TTN: variants seen among roughly 807,000 people sequenced by gnomAD.
TTN encodes the protein connectin.
A neutral mutation model predicts 3,223.0 loss-of-function variants in TTN; 1,525 were observed. The observed-to-expected ratio is 0.47, with a 90% confidence interval of 0.45 to 0.49. The LOEUF (loss-of-function observed/expected upper bound fraction) is 0.49. TTN is among the 20% of genes least tolerant of loss of function. The pLI is 0.00. For synonymous variants in TTN, 14,094 were observed against 15,161.0 expected, an observed-to-expected ratio of 0.93 and a Z score of 5.17; for missense variants, 40,786 against 43,424.0, an observed-to-expected ratio of 0.94 and a Z score of 5.40.
Position 178,592,638 on chromosome 2 carries a change from A to C in TTN, c.59367T>G (p.Asp19789Glu), listed in dbSNP as rs760729655. 1.9e-6 allele frequency: 3 copies of C among 1,613,212 alleles called. No individual in the cohort carries two copies. Among genetic ancestry groups the C allele is most frequent in the South Asian group, 1.1e-5 (1 of 91,048 alleles). Residue 19789 changes from aspartate (D) to glutamate (E), a missense_variant, in exon 301 of 363, where the codon GAT becomes GAG. Transcript: ENST00000589042. Reference protein sequence around the residue: ...DRLEPPELILDANMAREQHIK... With the variant: ...DRLEPPELILEANMAREQHIK... Reference sequence around the variant, plus strand: ...TGTGTTGTTCTCTTGCCATGTTGGCATCAAGAATCAACTCAGGGGGTTCTA... The same window carrying C: ...TGTGTTGTTCTCTTGCCATGTTGGCCTCAAGAATCAACTCAGGGGGTTCTA...
At chr2:178,586,481 A>AT in intron 308 of TTN, 24 bp downstream of exon 308, 1 of 1,609,050 alleles carries the variant, frequency 6.2e-7, no homozygotes, top group Non-Finnish European at 8.5e-7. Context: ...ACCACATGAC[A>AT]TAAATGAAGC....
At chr2:178,749,915 T>G (rs2154329535) in intron 47 of TTN, 1 of 1,613,214 alleles carries the variant, frequency 6.2e-7, no homozygotes, top group Non-Finnish European at 8.5e-7. Context: ...TGGCATTTCT[T>G]GTAACATTTT....
In TTN at chr2:178,721,912, T is replaced by C. The variant is rs530109283; in HGVS notation, c.22751A>G (p.Gln7584Arg). The C allele has an allele frequency of 1.2e-6, 2 of 1,613,364 alleles. No homozygotes were observed. The highest frequency in any genetic ancestry group is 1.7e-5 in the Admixed American group (1 of 59,976). ...ATCATTGGTTGCTTGGCAAGTATAT[T>C]GACCAGAGTCTCCTTTGCCTACTTT... Reference protein sequence around the residue: ...ILKVGKGDSGQYTCQATNDVG... With the variant: ...ILKVGKGDSGRYTCQATNDVG... Residue 7584 changes from glutamine (Q) to arginine (R), a missense_variant, in exon 78 of 363, where the codon CAA (glutamine) becomes CGA (arginine). Transcript: ENST00000589042.
In TTN at chr2:178,666,969, AAGTT is replaced by A. The variant is rs1197504783; in HGVS notation, c.35798-72_35798-69del. 89 of 1,126,250 alleles carry A rather than the reference AAGTT, an allele frequency of 7.9e-5. No individual in the cohort carries two copies. The East Asian group carries it at 2.3e-3, about 29-fold the overall frequency. The allele number at this position is 1,126,250 out of a possible 1,614,324, so 69.8% of individuals were successfully genotyped here. On this transcript the variant is annotated intron_variant, in intron 162 of 362. Transcript: ENST00000589042. ...GGCATAAAGACATGACATACTAAGA[AAGTT>A]AGATATGTTAATATCATTTCAGATA...
Position 178,647,127 on chromosome 2 carries a change from C to A in TTN, c.40159G>T (p.Glu13387Ter). 1 of 1,439,854 alleles carries A rather than the reference C, an allele frequency of 6.9e-7. No individual in the cohort carries two copies. Among genetic ancestry groups the A allele is most frequent in the South Asian group, 1.5e-5 (1 of 65,472 alleles). 89.2% of individuals were successfully genotyped at this position (1,439,854 alleles called of 1,614,324 possible). A position where few individuals can be genotyped will look rare whatever the true frequency, so the allele number is the denominator to read the frequency against. Residue 13387 changes from glutamate (E) to a stop codon, truncating the protein, a stop_gained, in exon 215 of 363, where the codon GAA becomes TAA. Transcript: ENST00000589042. LOFTEE classifies it high-confidence loss of function. The part of the protein sequence containing the change: ...PPAEVEETPE[E>*]IIYEEKASIT... ...GATGCTTTTTCTTCATATATTATTT[C>A]CTCAGGAGTCTCTTCAACTTTAAAA...
rs1706725757 is a variant in TTN at position 178,568,291 on chromosome 2, T to G, written c.77841A>C (p.Arg25947Ser). The part of the protein sequence containing the change: ...VWDVVSATVA[R>S]TTLKVTKLKT... ...TCAGTTTGGTCACTTTGAGTGTAGT[T>G]CTAGCAACAGTAGCAGAAACAACAT... Residue 25947 changes from arginine to serine, a missense_variant, in exon 326 of 363, where the codon AGA becomes AGC. Physicochemically the swap from Arg to Ser is moderately radical, Grantham distance 110 (BLOSUM62 -1). Transcript: ENST00000589042. 5 of 1,613,406 alleles carry G rather than the reference T, an allele frequency of 3.1e-6. No homozygotes were observed. The highest frequency in any genetic ancestry group is 4.2e-6 in the Non-Finnish European group (5 of 1,179,640).
rs1213305349 is a variant in TTN, at chr2:178,689,371, G to A, written c.31930C>T (p.Pro10644Ser). 3 of 1,613,716 alleles carry A rather than the reference G, an allele frequency of 1.9e-6. No individual in the cohort carries two copies. The highest frequency in any genetic ancestry group is 4.5e-5 in the East Asian group (2 of 44,872). Residue 10644 changes from proline (P) to serine (S), a missense_variant and splice_region_variant, in exon 124 of 363, where the codon CCA (proline) becomes TCA (serine). Coordinates refer to ENST00000589042, the MANE Select transcript of TTN (RefSeq NM_001267550.2). ...GGAACTTTCTTCTTTGGTATTTCTGGCACTTAAAGGATAGTATTGAATTTT... is the reference window on the plus strand; with the variant it reads ...GGAACTTTCTTCTTTGGTATTTCTGACACTTAAAGGATAGTATTGAATTTT... ...QREESPPPAV[P>S]EIPKKKVPEE...
intron 155 of TTN, 64 bp downstream of exon 155, chr2:178,671,907 T>C: frequency 1.3e-6 from 2 of 1,543,648 alleles, no homozygotes; most frequent in South Asian, 2.5e-5. Context: ...AACACAAAAT[T>C]TACTTTCAAA....
chr2:178,737,522 G>C (rs1213641730), intron 49 of TTN: 3 of 152,184 alleles, frequency 2.0e-5, no homozygotes, highest in Non-Finnish European at 4.4e-5. Context: ...GGATGGTCTC[G>C]ATCTCCTGAC....
rs185925881 is a variant in TTN at position 178,537,505 on chromosome 2, C to T, written c.99702G>A (p.Gln33234=). 1.9e-6 allele frequency: 3 copies of T among 1,613,718 alleles called. No individual in the cohort carries two copies. In the Admixed American group the frequency reaches 5.0e-5, roughly 27 times the overall value. The part of the protein sequence containing the change: ...PVPAMTWFHG[Q]KLLQNSENIT... The stretch of plus-strand genomic sequence containing the variant: ...TGTTTTCTGAGTTTTGCAAAAGTTT[C>T]TGACCATGGAACCAAGTCATGGCAG... Residue 33234 remains glutamine (Q), a synonymous_variant, in exon 355 of 363, where the codon CAG becomes CAA. Coordinates refer to ENST00000589042, the MANE Select transcript of TTN (RefSeq NM_001267550.2).
Position 178,731,491 on chromosome 2 carries a change from T to C in TTN, c.17275A>G (p.Ile5759Val), listed in dbSNP as rs1365586736. The C allele has an allele frequency of 2.5e-6, 4 of 1,613,656 alleles. No homozygotes were observed. Among genetic ancestry groups the C allele is most frequent in the Middle Eastern group, 1.7e-4 (1 of 6,056 alleles). Reference protein sequence around the residue: ...FQATLKGSLPITVTWLKDSDE... With the variant: ...FQATLKGSLPVTVTWLKDSDE... ...CTGTCTTTTAGCCAAGTCACCGTAATTGGCAAGGAGCCCTTCAGAGTGGCC... is the reference window on the plus strand; with the variant it reads ...CTGTCTTTTAGCCAAGTCACCGTAACTGGCAAGGAGCCCTTCAGAGTGGCC... The change falls in exon 59 of 363, where the codon ATT becomes GTT. Residue 5759 changes from isoleucine (I) to valine (V), a missense_variant. Coordinates refer to ENST00000589042, the MANE Select transcript of TTN (RefSeq NM_001267550.2).
At chr2:178,583,363 A>C in intron 312 of TTN, 136 bp from the exon 313 acceptor site, 1 of 966,436 alleles carries the variant, frequency 1.0e-6, no homozygotes, top group Non-Finnish European at 1.4e-6. Context: ...TTTATTTTTA[A>C]TAGACAAATA....
chr2:178,784,973 A>G (rs1350802607), intron 15 of TTN, among the ~76,000 whole-genome samples: 2 of 152,212 alleles, frequency 1.3e-5, no homozygotes, highest in Non-Finnish European at 2.9e-5. Context: ...TTGGATGTGT[A>G]TAATAACAAT....
rs376719475 is a variant in TTN, at chr2:178,579,628, C to T, written c.67569G>A (p.Val22523=). ...LTEGKEYTFR[V]SAENENGEGT... The stretch of plus-strand genomic sequence containing the variant: ...CTTCTCCATTTTCATTCTCAGCACT[C>T]ACTCTGAAGGTATATTCCTTCCCTT... The change falls in exon 319 of 363, where the codon GTG becomes GTA. Residue 22523 remains valine, a synonymous_variant. Coordinates refer to ENST00000589042, the MANE Select transcript of TTN (RefSeq NM_001267550.2). The T allele has an allele frequency of 2.4e-5, 38 of 1,613,238 alleles. No individual in the cohort carries two copies. Among genetic ancestry groups the T allele is most frequent in the Non-Finnish European group, 3.1e-5 (36 of 1,179,512 alleles).
intron 6 of TTN, among the ~76,000 whole-genome samples, chr2:178,797,382 T>C (rs199887625): frequency 1.0e-5 from 1 of 97,998 alleles, no homozygotes; most frequent in East Asian, 2.5e-4. Context: ...TTTTTTCACA[T>C]GTTTATTGGA....
In TTN at chr2:178,728,433, C is replaced by T. The variant is rs201730595; in HGVS notation, c.19427-36G>A. 17 of 1,579,424 alleles carry T rather than the reference C, an allele frequency of 1.1e-5. No individual in the cohort carries two copies. The South Asian group carries it at 1.6e-4, about 15-fold the overall frequency. On this transcript the variant is annotated intron_variant, in intron 66 of 362. Coordinates refer to ENST00000589042, the MANE Select transcript of TTN (RefSeq NM_001267550.2). ...CAAACAGCAAAACACATCCATTAATCTCTTGCTATTTGTTTACAAAGGACA... is the reference window on the plus strand; with the variant it reads ...CAAACAGCAAAACACATCCATTAATTTCTTGCTATTTGTTTACAAAGGACA...
Position 178,723,477 on chromosome 2 carries a change from G to T in TTN, c.21623C>A (p.Thr7208Asn), listed in dbSNP as rs1250736680. 2.5e-6 allele frequency: 4 copies of T among 1,613,328 alleles called. No individual in the cohort carries two copies. The Admixed American group carries it at 5.0e-5, about 20-fold the overall frequency. The change falls in exon 74 of 363, where the codon ACC (threonine) becomes AAC (asparagine). Residue 7208 changes from threonine (T) to asparagine (N), a missense_variant. By Grantham distance (65) the Thr-to-Asn change is moderately conservative. Coordinates refer to ENST00000589042, the MANE Select transcript of TTN (RefSeq NM_001267550.2). ...NIDISQSGEY[T>N]CVVSNNAGQA... ...GCCAGCGTTGTTAGAAACCACACAG[G>T]TGTATTCCCCACTCTGAGATATGTC...
At chr2:178,731,282 C>T in intron 59 of TTN, 23 bp downstream of exon 59, 1 of 1,612,052 alleles carries the variant, frequency 6.2e-7, no homozygotes, top group Non-Finnish European at 8.5e-7. Context: ...TCCTCAAACC[C>T]AAGGCAAACG....
Position 178,729,147 on chromosome 2 carries a change from C to T in TTN, c.18891G>A (p.Lys6297=). 1.3e-6 allele frequency: 2 copies of T among 1,589,790 alleles called. No individual in the cohort carries two copies. Among genetic ancestry groups the T allele is most frequent in the South Asian group, 2.3e-5 (2 of 86,370 alleles). ...ALKEPPSFIK[K]IENTTTVLKS... ...TCAAAACAGTAGTGGTATTTTCTAT[C>T]TTCTTAATGAATGATGGTGGTTCTG... The change falls in exon 65 of 363, where the codon AAG becomes AAA. Residue 6297 remains lysine, a synonymous_variant. Coordinates refer to ENST00000589042, the MANE Select transcript of TTN (RefSeq NM_001267550.2).
Sources: allele counts gnomAD v4.1 joint callset (sites outside exome capture counted in the v4.1 genomes callset), GRCh38; gene constraint gnomAD v4.1.1; transcripts MANE v1.5; gene names NCBI Gene and HGNC (gene_info 2026-07-23, HGNC 2026-07-21).